Variants in PTPRM observed in about 807,000 individuals in gnomAD.
The protein encoded by PTPRM is receptor-type tyrosine-protein phosphatase mu.
A neutral mutation model predicts 186.7 loss-of-function variants in PTPRM; 47 were observed. The ratio of observed to expected loss-of-function variants is 0.25; its 90% CI spans 0.20 to 0.32. The LOEUF is 0.32. Ranked by LOEUF, PTPRM falls within the 10% of genes least tolerant of loss-of-function variation. The probability of loss-of-function intolerance (pLI) is 1.00; values close to 1 mark genes in which losing one functional copy is unlikely to be tolerated. For synonymous variants in PTPRM, 668 were observed against 674.9 expected, an observed-to-expected ratio of 0.99 and a Z score of 0.16; for missense variants, 1,494 against 1,865.0, an observed-to-expected ratio of 0.80 and a Z score of 3.66.
intron 2 of PTPRM, among the ~76,000 whole-genome samples, chr18:7,873,490 C>T (rs1303330085): frequency 2.0e-5 from 3 of 152,198 alleles, no homozygotes; most frequent in African/African-American, 7.2e-5. Flanking sequence ...GACAATACTT[C>T]TCTCAATGGT....
At chr18:7,685,475 T>A (rs1156459185) in intron 1 of PTPRM, among the ~76,000 whole-genome samples, 1 of 152,228 alleles carries the variant, frequency 6.6e-6, no homozygotes, top group Non-Finnish European at 1.5e-5. Flanking sequence ...AGACTCTTAA[T>A]GTGTATTATA....
chr18:7,942,319 A>G (rs1184902311), intron 5 of PTPRM, among the ~76,000 whole-genome samples: 1 of 152,052 alleles, frequency 6.6e-6, no homozygotes, highest in Non-Finnish European at 1.5e-5. Flanking sequence ...CAAGTTTTAC[A>G]TGGCACAGGA....
chr18:7,660,365 A>T (rs2038951721), intron 1 of PTPRM, among the ~76,000 whole-genome samples: 1 of 151,976 alleles, frequency 6.6e-6, no homozygotes, highest in Admixed American at 6.6e-5. Context: ...TAAGTAAAGC[A>T]AGCAGTAGAA....
chr18:8,398,334 G>A (rs1456615232), intron 32 of PTPRM, among the ~76,000 whole-genome samples: 1 of 152,066 alleles, frequency 6.6e-6, no homozygotes. Context: ...CTCAGCCTCT[G>A]TTCTATGTGC....
intron 7 of PTPRM, among the ~76,000 whole-genome samples, chr18:8,050,052 A>G (rs2087366803): frequency 6.6e-6 from 1 of 152,146 alleles, no homozygotes; most frequent in African/African-American, 2.4e-5. Context: ...GAATAGTCAT[A>G]AAGGGATTTG....
At chr18:8,353,811 TC>T (rs560952909) in intron 23 of PTPRM, among the ~76,000 whole-genome samples, 34 of 152,166 alleles carry the variant, frequency 2.2e-4, no homozygotes, top group Non-Finnish European at 4.4e-4. Flanking sequence ...AATATTAGCG[TC>T]CCCCTTTATT....
intron 14 of PTPRM, among the ~76,000 whole-genome samples, chr18:8,157,235 C>G (rs1322960076): frequency 6.6e-6 from 1 of 152,160 alleles, no homozygotes; most frequent in Non-Finnish European, 1.5e-5. Context: ...AATGTTATGA[C>G]AAGAAAACAA....
intron 1 of PTPRM, among the ~76,000 whole-genome samples, chr18:7,678,273 T>A (rs922342585): frequency 1.1e-4 from 16 of 152,144 alleles, no homozygotes; most frequent in Admixed American, 7.2e-4. Context: ...TATGTCTCCT[T>A]TTCCAGGGGA....
Position 8,069,782 on chromosome 18 carries a change from G to A in PTPRM, c.1229G>A (p.Cys410Tyr). 1 of 1,613,726 alleles carries A rather than the reference G, an allele frequency of 6.2e-7. No homozygotes were observed. The highest frequency in any genetic ancestry group is 8.5e-7 in the Non-Finnish European group (1 of 1,179,616). ...CCATTTGGATATAATGTAACTCGTT[G>A]CCACAGTTATAATCTCACTGTCCAC... ...WEPFGYNVTR[C>Y]HSYNLTVHYC... is the part of the protein sequence containing the mutation. Residue 410 changes from cysteine (C) to tyrosine (Y), a missense_variant, in exon 8 of 33, where the codon TGC (cysteine) becomes TAC (tyrosine). By Grantham distance (194) the Cys-to-Tyr change is radical. Coordinates refer to ENST00000580170, the MANE Select transcript of PTPRM (RefSeq NM_001105244.2).
chr18:8,310,350 G>A (rs554938723), intron 20 of PTPRM, among the ~76,000 whole-genome samples: 2 of 151,630 alleles, frequency 1.3e-5, no homozygotes, highest in African/African-American at 4.8e-5. Flanking sequence ...GCCCCTGCCT[G>A]TGGCTTCCCA....
intron 1 of PTPRM, among the ~76,000 whole-genome samples, chr18:7,737,516 T>C (rs2040796700): frequency 6.6e-6 from 1 of 152,242 alleles, no homozygotes; most frequent in Non-Finnish European, 1.5e-5. Context: ...TAAGGTGTAG[T>C]TTGTTCCCAT....
At chr18:8,302,904 T>C (rs1220195885) in intron 20 of PTPRM, among the ~76,000 whole-genome samples, 2 of 151,966 alleles carry the variant, frequency 1.3e-5, no homozygotes, top group African/African-American at 4.8e-5. Context: ...TGAGTTTGAT[T>C]TGGGGACATA....
chr18:7,867,244 T>C (rs1271048116), intron 2 of PTPRM, among the ~76,000 whole-genome samples: 1 of 152,232 alleles, frequency 6.6e-6, no homozygotes, highest in Non-Finnish European at 1.5e-5. Context: ...GTCATTATGA[T>C]GCTAGCTGGT....
intron 17 of PTPRM, 121 bp downstream of exon 17, chr18:8,248,297 G>A (rs1261413084): frequency 1.0e-6 from 1 of 974,134 alleles, no homozygotes; most frequent in South Asian, 1.3e-5. Context: ...ACGACATGTG[G>A]GAGGTGGGTG....
At chr18:8,311,570 G>A (rs988197681) in intron 20 of PTPRM, among the ~76,000 whole-genome samples, 1 of 152,112 alleles carries the variant, frequency 6.6e-6, no homozygotes, top group Non-Finnish European at 1.5e-5. Context: ...CACTGTCTCT[G>A]ACCACAGGAC....
chr18:7,675,128 T>C (rs1482205831), intron 1 of PTPRM, among the ~76,000 whole-genome samples: 1 of 152,196 alleles, frequency 6.6e-6, no homozygotes, highest in Non-Finnish European at 1.5e-5. Flanking sequence ...CTAAACTAAA[T>C]TGGGTTTTAG....
intron 19 of PTPRM, among the ~76,000 whole-genome samples, chr18:8,268,128 G>C (rs760172903): frequency 6.6e-6 from 1 of 152,090 alleles, no homozygotes; most frequent in African/African-American, 2.4e-5. Context: ...ACTCTGTATA[G>C]TTTTGTTTGA....
chr18:7,597,137 A>G (rs2037285800), intron 1 of PTPRM, among the ~76,000 whole-genome samples: 1 of 152,194 alleles, frequency 6.6e-6, no homozygotes, highest in Non-Finnish European at 1.5e-5. Context: ...TTGTTGAGCC[A>G]CTGTGCCAGC....
intron 1 of PTPRM, among the ~76,000 whole-genome samples, chr18:7,594,252 G>A (rs1392180733): frequency 6.6e-6 from 1 of 152,168 alleles, no homozygotes; most frequent in African/African-American, 2.4e-5. Context: ...CTAGCACTTT[G>A]GGTGGATCAC....
Sources: gnomAD v4.1 joint callset for allele counts (sites outside exome capture counted in the v4.1 genomes callset) on GRCh38, gnomAD v4.1.1 for gene constraint, MANE v1.5 for transcripts, NCBI Gene and HGNC (gene_info 2026-07-23, HGNC 2026-07-21) for gene names.